The following LRCH1 variants were observed in gnomAD, a reference collection of about 807,000 sequenced individuals.
LRCH1 encodes the protein leucine rich repeats and calponin homology domain containing 1, also known as leucine-rich repeat and calponin homology domain-containing protein 1.
A neutral mutation model predicts 94.9 loss-of-function variants in LRCH1; 23 were observed. The ratio of observed to expected loss-of-function variants is 0.24; its 90% CI spans 0.17 to 0.34. The LOEUF is 0.34. Ranked by LOEUF, LRCH1 falls within the 10% of genes least tolerant of loss-of-function variation. LRCH1 has a pLI of 1.00. For synonymous variants in LRCH1, 364 were observed against 354.9 expected, an observed-to-expected ratio of 1.03 and a Z score of -0.29; for missense variants, 790 against 945.9, an observed-to-expected ratio of 0.84 and a Z score of 2.16.
chr13:46,568,271 T>C (rs1026449036), intron 1 of LRCH1, among the ~76,000 whole-genome samples: 3 of 152,224 alleles, frequency 2.0e-5, no homozygotes, highest in African/African-American at 7.2e-5. Flanking sequence ...TAACTCATCC[T>C]GGCCTAATGA....
rs895393323 is a variant in LRCH1, at chr13:46,553,201, T to C, written c.-196T>C. The C allele has an allele frequency of 1.6e-5, 9 of 572,330 alleles. No homozygotes were observed. Among genetic ancestry groups the C allele is most frequent in the Non-Finnish European group, 2.4e-5 (8 of 326,568 alleles). 35.5% of individuals were successfully genotyped at this position (572,330 alleles called of 1,614,324 possible). On this transcript the variant is annotated 5_prime_UTR_variant, in exon 1 of 20. Coordinates refer to ENST00000389797, the MANE Select transcript of LRCH1 (RefSeq NM_001164211.2). ...CTTAGCTTCCCGGGGACAGGAAACCTTCAAGACCGAGCTGCCACGGCCGCC... is the reference window on the plus strand; with the variant it reads ...CTTAGCTTCCCGGGGACAGGAAACCCTCAAGACCGAGCTGCCACGGCCGCC...
intron 18 of LRCH1, 116 bp downstream of exon 18, chr13:46,729,100 C>A: frequency 1.0e-6 from 1 of 974,816 alleles, no homozygotes; most frequent in Non-Finnish European, 1.4e-6. Flanking sequence ...TTCCATTGGG[C>A]CCCAAACCAT....
chr13:46,619,805 T>C (rs975292240), intron 1 of LRCH1, among the ~76,000 whole-genome samples: 1 of 152,230 alleles, frequency 6.6e-6, no homozygotes, highest in Non-Finnish European at 1.5e-5. Context: ...GGATTTCATG[T>C]GTTTAGAATT....
chr13:46,574,084 C>T (rs1478410549), intron 1 of LRCH1, among the ~76,000 whole-genome samples: 1 of 151,272 alleles, frequency 6.6e-6, no homozygotes, highest in East Asian at 1.9e-4. Context: ...GACCTCACCT[C>T]AGGTGATCCG....
At chr13:46,702,748 G>T (rs1243974608) in intron 11 of LRCH1, among the ~76,000 whole-genome samples, 1 of 152,174 alleles carries the variant, frequency 6.6e-6, no homozygotes, top group African/African-American at 2.4e-5. Context: ...AATGAATGGA[G>T]CCAGGTTGGG....
intron 1 of LRCH1, among the ~76,000 whole-genome samples, chr13:46,603,957 A>G (rs2050660250): frequency 2.6e-5 from 4 of 152,168 alleles, no homozygotes. Flanking sequence ...ATGCCCGGCC[A>G]AACTTCTTTT....
intron 1 of LRCH1, among the ~76,000 whole-genome samples, chr13:46,622,864 T>C (rs1436242274): frequency 6.6e-6 from 1 of 152,244 alleles, no homozygotes; most frequent in Non-Finnish European, 1.5e-5. Flanking sequence ...CCTTTTTGCT[T>C]CAGCTTCTTT....
At chr13:46,614,012 T>C (rs1420024664) in intron 1 of LRCH1, among the ~76,000 whole-genome samples, 1 of 152,134 alleles carries the variant, frequency 6.6e-6, no homozygotes, top group Non-Finnish European at 1.5e-5. Flanking sequence ...TTAAATTGTA[T>C]GTATTGAAAG....
intron 18 of LRCH1, among the ~76,000 whole-genome samples, chr13:46,733,612 C>T (rs1050053613): frequency 6.6e-6 from 1 of 151,786 alleles, no homozygotes; most frequent in African/African-American, 2.4e-5. Context: ...ATTTTGCATA[C>T]ATATACATCA....
At chr13:46,711,669 C>A (rs1480289776) in intron 13 of LRCH1, 122 bp from the exon 14 acceptor site, 1 of 628,888 alleles carries the variant, frequency 1.6e-6, no homozygotes, top group Non-Finnish European at 2.8e-6. Flanking sequence ...CTAATTAATT[C>A]AACAGATATT....
In LRCH1 at chr13:46,742,498, C is replaced by T. The variant is rs962873751; in HGVS notation, c.*650C>T. ...GCAGTGTGGCCGCCAACTTCCACCC[C>T]GGCAAGCCCCTCTGTCCTATGCAGA... On this transcript the variant is annotated 3_prime_UTR_variant, in exon 20 of 20. Coordinates refer to ENST00000389797, the MANE Select transcript of LRCH1 (RefSeq NM_001164211.2). The T allele has an allele frequency of 5.9e-5, 58 of 985,346 alleles. No homozygotes were observed. Among genetic ancestry groups the T allele is most frequent in the Non-Finnish European group, 6.0e-5 (50 of 829,892 alleles). 61.0% of individuals were successfully genotyped at this position (985,346 alleles called of 1,614,324 possible).
At chr13:46,669,275 C>A in intron 3 of LRCH1, 119 bp downstream of exon 3, 1 of 1,166,766 alleles carries the variant, frequency 8.6e-7, no homozygotes, top group Non-Finnish European at 1.2e-6. Context: ...TGTTTGAGGG[C>A]AGGTATATGA....
rs2050019530 is a variant in LRCH1 at position 46,553,276 on chromosome 13, C to T, written c.-121C>T. 3 of 748,522 alleles carry T rather than the reference C, an allele frequency of 4.0e-6. No individual in the cohort carries two copies. The Admixed American group carries it at 8.7e-5, about 22-fold the overall frequency. 46.4% of individuals were successfully genotyped at this position (748,522 alleles called of 1,614,324 possible). ...CGCCTGCCCACACCCTCCTCCCCTC[C>T]TTCCAGCGCCTTTCGGTGGAGCACT... On this transcript the variant is annotated 5_prime_UTR_variant, in exon 1 of 20. Coordinates refer to ENST00000389797, the MANE Select transcript of LRCH1 (RefSeq NM_001164211.2).
At chr13:46,698,629 A>T (rs1871314707) in intron 9 of LRCH1, among the ~76,000 whole-genome samples, 1 of 152,210 alleles carries the variant, frequency 6.6e-6, no homozygotes, top group Non-Finnish European at 1.5e-5. Flanking sequence ...GCTCTCACAA[A>T]CACTAGGATG....
intron 19 of LRCH1, among the ~76,000 whole-genome samples, chr13:46,734,261 A>C (rs1873259337): frequency 6.6e-6 from 1 of 152,232 alleles, no homozygotes; most frequent in Non-Finnish European, 1.5e-5. Flanking sequence ...GACTTGAAAA[A>C]AAATTTTAAT....
chr13:46,652,014 A>G (rs2051309233), intron 2 of LRCH1, among the ~76,000 whole-genome samples: 1 of 69,698 alleles, frequency 1.4e-5, no homozygotes, highest in Non-Finnish European at 3.3e-5. Flanking sequence ...CAGCCTCCCA[A>G]GTAGCTGGGA....
intron 1 of LRCH1, among the ~76,000 whole-genome samples, chr13:46,633,545 C>T (rs544673732): frequency 1.3e-5 from 2 of 152,218 alleles, no homozygotes; most frequent in African/African-American, 4.8e-5. Flanking sequence ...GCCTATAGAG[C>T]CAAGCCTTCA....
intron 3 of LRCH1, among the ~76,000 whole-genome samples, chr13:46,672,216 C>T (rs2051609754): frequency 1.3e-5 from 2 of 151,994 alleles, no homozygotes; most frequent in South Asian, 2.1e-4. Flanking sequence ...TATGGCTTGA[C>T]GGCTCATTTT....
intron 1 of LRCH1, among the ~76,000 whole-genome samples, chr13:46,634,405 C>T (rs2138050764): frequency 6.6e-6 from 1 of 152,308 alleles, no homozygotes; most frequent in African/African-American, 2.4e-5. Context: ...TAACCATGGC[C>T]TCTAGAGCTG....
Sources: gnomAD v4.1 joint callset for allele counts (sites outside exome capture counted in the v4.1 genomes callset) on GRCh38, gnomAD v4.1.1 for gene constraint, MANE v1.5 for transcripts, NCBI Gene and HGNC (gene_info 2026-07-23, HGNC 2026-07-21) for gene names.